The following CRB1 variants were observed in gnomAD, a reference collection of about 807,000 sequenced individuals.
CRB1 encodes the protein crumbs cell polarity complex component 1, also known as protein crumbs homolog 1.
In CRB1, 83 loss-of-function variants were observed where a neutral mutation model predicts 120.0. The observed-to-expected ratio is 0.69, with a 90% CI of 0.58 to 0.83. The LOEUF is 0.83. CRB1 is among the 40% of genes least tolerant of loss of function. The pLI, the probability that CRB1 is intolerant of heterozygous loss-of-function variation, is 0.00. For synonymous variants in CRB1, 625 were observed against 612.5 expected (o/e 1.02, Z -0.30); for missense variants, 1,699 against 1,687.6 (o/e 1.01, Z -0.12).
chr1:197,208,859 G>A, the CRB1 span, among the ~76,000 whole-genome samples: 2 of 152,120 alleles, frequency 1.3e-5, no homozygotes, highest in Admixed American at 6.6e-5. Context: ...TGGGGGTAGG[G>A]TTAGGTGCGT....
intron 5 of CRB1, among the ~76,000 whole-genome samples, chr1:197,380,117 T>C (rs1661873309): frequency 6.6e-6 from 1 of 152,208 alleles, no homozygotes; most frequent in Admixed American, 6.5e-5. Context: ...AACACCTCGG[T>C]TCTGCAGAGC....
chr1:197,308,295 G>A (rs1657293634), intron 1 of CRB1, among the ~76,000 whole-genome samples: 2 of 152,088 alleles, frequency 1.3e-5, no homozygotes, highest in East Asian at 3.9e-4. Context: ...AGGGGGGCAT[G>A]GGCTAAAAGC....
At chr1:197,355,899 C>G (rs1011249220) in intron 4 of CRB1, among the ~76,000 whole-genome samples, 8 of 152,236 alleles carry the variant, frequency 5.3e-5, no homozygotes, top group Non-Finnish European at 1.2e-4. Flanking sequence ...TGCCCAGGCC[C>G]AGGAGGCGCC....
chr1:197,439,429 G>A (rs1276415408), intron 10 of CRB1: 2 of 152,122 alleles, frequency 1.3e-5, no homozygotes, highest in Non-Finnish European at 2.9e-5. Flanking sequence ...TGTAAAGAAG[G>A]TTTCATGATT....
the CRB1 span, among the ~76,000 whole-genome samples, chr1:197,207,043 T>C: frequency 3.9e-4 from 60 of 152,300 alleles, no homozygotes; most frequent in African/African-American, 1.4e-3. Context: ...TTGTCTGATA[T>C]ATGAATAGCT....
chr1:197,254,162 A>G, the CRB1 span, among the ~76,000 whole-genome samples: 33 of 152,156 alleles, frequency 2.2e-4, no homozygotes, highest in African/African-American at 7.9e-4. Context: ...CCGCACTTGT[A>G]TTTGATAGAA....
chr1:197,406,051 G>A (rs1188766305), intron 5 of CRB1, among the ~76,000 whole-genome samples: 5 of 152,102 alleles, frequency 3.3e-5, no homozygotes, highest in Admixed American at 2.0e-4. Context: ...CCCTCTGCCC[G>A]GCCACCACCC....
rs1665108069 is a variant in CRB1, at chr1:197,435,458, C to A, written c.3595C>A (p.His1199Asn). The A allele has an allele frequency of 1.9e-6, 3 of 1,596,500 alleles. No homozygotes were observed. Among genetic ancestry groups the A allele is most frequent in the Non-Finnish European group, 2.6e-6 (3 of 1,170,918 alleles). Residue 1199 changes from histidine (H) to asparagine (N), a missense_variant, in exon 9 of 12, where the codon CAC (histidine) becomes AAC (asparagine). His to Asn is a moderately conservative substitution (Grantham distance 68). Coordinates refer to ENST00000367400, the MANE Select transcript of CRB1 (RefSeq NM_201253.3). ...GNCSDRVAAYHCTCEPGYTGV... is the reference protein window; with the variant it reads ...GNCSDRVAAYNCTCEPGYTGV... The stretch of plus-strand genomic sequence containing the variant: ...CTGCTCTGACAGAGTTGCAGCCTAC[C>A]ACTGCACATGTGAGCCTGGATACAC...
intron 2 of CRB1, among the ~76,000 whole-genome samples, chr1:197,334,832 T>C (rs2125313942): frequency 6.6e-6 from 1 of 152,298 alleles, no homozygotes; most frequent in Admixed American, 6.5e-5. Flanking sequence ...TTCTATGTTC[T>C]GAAAATGAAA....
chr1:197,476,548 T>G (rs774360089), intron 11 of CRB1, among the ~76,000 whole-genome samples: 13 of 152,122 alleles, frequency 8.5e-5, no homozygotes, highest in Non-Finnish European at 1.5e-4. Flanking sequence ...ATGAACCACA[T>G]TTGAGCAAGG....
chr1:197,236,392 G>A, the CRB1 span, among the ~76,000 whole-genome samples: 51 of 152,048 alleles, frequency 3.4e-4, 1 homozygote, highest in South Asian at 9.4e-3. Flanking sequence ...GTACAGATGC[G>A]GTTTCGCCAT....
At position 197,372,494 on chromosome 1, in the gene CRB1, T is replaced by C. The variant is rs1661421298; in HGVS notation, c.1171+15481T>C. Among the ~76,000 whole-genome samples the C allele has an allele frequency of 3.3e-5, 5 of 152,200 alleles. No individual in the cohort carries two copies. In the South Asian group the frequency reaches 1.0e-3, roughly 31 times the overall value. On this transcript the variant is annotated intron_variant, in intron 5 of 11. Transcript: ENST00000367400. ...AAATTGATTTATACCTTTGTTACAT[T>C]GGTTTGGTTAATTCAGTACAACAGA...
intron 11 of CRB1, among the ~76,000 whole-genome samples, chr1:197,476,702 C>T (rs1667213820): frequency 6.6e-6 from 1 of 152,048 alleles, no homozygotes; most frequent in Non-Finnish European, 1.5e-5. Flanking sequence ...ATGTTAAACA[C>T]AGATTTCATT....
chr1:197,324,968 G>C (rs1291020979), intron 1 of CRB1, among the ~76,000 whole-genome samples: 1 of 152,110 alleles, frequency 6.6e-6, no homozygotes, highest in African/African-American at 2.4e-5. Flanking sequence ...TATTTTAACT[G>C]CTCCATGTGG....
At chr1:197,439,006 C>T (rs1041326749) in intron 10 of CRB1, 6 of 286,022 alleles carry the variant, frequency 2.1e-5, no homozygotes, top group South Asian at 7.4e-5. Context: ...TGGTTGCTGT[C>T]GAGGTAAAAT....
chr1:197,285,707 T>C (rs908302546), intron 1 of CRB1, among the ~76,000 whole-genome samples: 3 of 151,802 alleles, frequency 2.0e-5, no homozygotes, highest in Non-Finnish European at 4.4e-5. Flanking sequence ...ACCTGTGGTG[T>C]GGTGAAGCAT....
chr1:197,355,450 G>C (rs1344159984), intron 4 of CRB1, among the ~76,000 whole-genome samples: 2 of 152,364 alleles, frequency 1.3e-5, no homozygotes, highest in East Asian at 1.9e-4. Context: ...GCAGGGGGTG[G>C]TGCTCATCCT....
At chr1:197,381,659 T>C (rs1252487857) in intron 5 of CRB1, among the ~76,000 whole-genome samples, 1 of 152,140 alleles carries the variant, frequency 6.6e-6, no homozygotes, top group African/African-American at 2.4e-5. Flanking sequence ...ACACAAGAGG[T>C]TACACATGCA....
At chr1:197,247,995 T>G in the CRB1 span, among the ~76,000 whole-genome samples, 1 of 152,082 alleles carries the variant, frequency 6.6e-6, no homozygotes, top group Non-Finnish European at 1.5e-5. Flanking sequence ...TTATAAACTC[T>G]TGTAAATGTT....
Sources: gnomAD v4.1 joint callset for allele counts (sites outside exome capture counted in the v4.1 genomes callset) on GRCh38, gnomAD v4.1.1 for gene constraint, MANE v1.5 for transcripts, NCBI Gene and HGNC (gene_info 2026-07-23, HGNC 2026-07-21) for gene names.